PDE3B: variants seen among roughly 807,000 people sequenced by gnomAD.
PDE3B encodes phosphodiesterase 3B.
A neutral mutation model predicts 116.8 loss-of-function variants in PDE3B; 66 were observed. The observed-to-expected ratio is 0.56, with a 90% CI of 0.46 to 0.69. The LOEUF is 0.69. PDE3B is among the 30% of genes least tolerant of loss of function. The probability of loss-of-function intolerance (pLI) is 0.00; values close to 1 mark genes in which losing one functional copy is unlikely to be tolerated. For missense variants in PDE3B, 1,384 were observed against 1,368.1 expected, an observed-to-expected ratio of 1.01 and a Z score of -0.18; for synonymous variants, 595 against 533.6, an observed-to-expected ratio of 1.12 and a Z score of -1.59.
intron 1 of PDE3B, among the ~76,000 whole-genome samples, chr11:14,683,183 G>A (rs903009855): frequency 1.3e-5 from 2 of 151,952 alleles, no homozygotes; most frequent in South Asian, 4.2e-4. Flanking sequence ...CAGGTGATCC[G>A]CCTGCCTTGG....
chr11:14,682,773 G>A (rs1854749757), intron 1 of PDE3B, among the ~76,000 whole-genome samples: 1 of 151,416 alleles, frequency 6.6e-6, no homozygotes, highest in Non-Finnish European at 1.5e-5. Flanking sequence ...ACATAGGCCT[G>A]TAGTTTTTTG....
chr11:14,673,133 C>T (rs1854422945), intron 1 of PDE3B, among the ~76,000 whole-genome samples: 1 of 151,432 alleles, frequency 6.6e-6, no homozygotes. Flanking sequence ...ACATGGATGA[C>T]TTGCAAAGGA....
At chr11:14,765,536 A>T (rs1857475679) in intron 1 of PDE3B, among the ~76,000 whole-genome samples, 1 of 151,966 alleles carries the variant, frequency 6.6e-6, no homozygotes, top group Non-Finnish European at 1.5e-5. Flanking sequence ...AGATCAACTT[A>T]AAAATGTTTA....
At chr11:14,761,948 C>A (rs1393940185) in intron 1 of PDE3B, among the ~76,000 whole-genome samples, 2 of 152,040 alleles carry the variant, frequency 1.3e-5, no homozygotes, top group African/African-American at 4.8e-5. Context: ...AAAGTCTACT[C>A]TGATGCTTTT....
intron 1 of PDE3B, among the ~76,000 whole-genome samples, chr11:14,706,300 C>T (rs1355603239): frequency 6.6e-6 from 1 of 151,842 alleles, no homozygotes; most frequent in South Asian, 2.1e-4. Context: ...TAAAATTATA[C>T]AGTACCTGAA....
At chr11:14,775,053 C>T (rs186507765) in intron 2 of PDE3B, 1 of 152,290 alleles carries the variant, frequency 6.6e-6, no homozygotes, top group Admixed American at 6.5e-5. Context: ...GAGGCATACC[C>T]CAACTATCCT....
At chr11:14,664,022 C>T (rs1854034128) in intron 1 of PDE3B, among the ~76,000 whole-genome samples, 3 of 152,090 alleles carry the variant, frequency 2.0e-5, no homozygotes, top group Admixed American at 1.3e-4. Context: ...GGAAGTAAAG[C>T]TCTCCTCAGC....
At chr11:14,681,236 C>A (rs527886534) in intron 1 of PDE3B, among the ~76,000 whole-genome samples, 7 of 152,100 alleles carry the variant, frequency 4.6e-5, no homozygotes, top group Non-Finnish European at 8.8e-5. Context: ...CATTGTAAGT[C>A]GAGGAGCATA....
At chr11:14,754,430 G>A (rs1857132113) in intron 1 of PDE3B, among the ~76,000 whole-genome samples, 1 of 152,014 alleles carries the variant, frequency 6.6e-6, no homozygotes, top group Non-Finnish European at 1.5e-5. Flanking sequence ...TATCTCACTT[G>A]ATGTCTCAAT....
intron 7 of PDE3B, among the ~76,000 whole-genome samples, chr11:14,827,640 A>G (rs1859741303): frequency 6.6e-6 from 1 of 152,204 alleles, no homozygotes; most frequent in Non-Finnish European, 1.5e-5. Flanking sequence ...TGAGAATTAC[A>G]AAACACTGCT....
rs68083046 is a variant in PDE3B, at chr11:14,713,695, T to TACAC, written c.979-58213_979-58210dup. ...CTACTTCCTTATAATAAAAAATCTT[T>TACAC]ACACACACACACACACACACACACA... On this transcript the variant is annotated intron_variant, in intron 1 of 15. Transcript: ENST00000282096. Among the ~76,000 whole-genome samples the TACAC allele has an allele frequency of 2.9e-3, 441 of 149,884 alleles. 2 individuals carry two copies. Among genetic ancestry groups the TACAC allele is most frequent in the African/African-American group, 7.5e-3 (304 of 40,778 alleles).
chr11:14,788,625 T>C (rs1858286198), intron 3 of PDE3B, among the ~76,000 whole-genome samples: 1 of 151,960 alleles, frequency 6.6e-6, no homozygotes, highest in African/African-American at 2.4e-5. Flanking sequence ...ATGCTAAAGG[T>C]GTTCTGTATT....
intron 12 of PDE3B, among the ~76,000 whole-genome samples, chr11:14,850,803 CT>C (rs1349460836): frequency 6.6e-6 from 1 of 151,904 alleles, no homozygotes; most frequent in Non-Finnish European, 1.5e-5. Flanking sequence ...AACATTAGGA[CT>C]TGGAACTAAA....
At chr11:14,884,911 T>C in the PDE3B span, among the ~76,000 whole-genome samples, 3 of 151,838 alleles carry the variant, frequency 2.0e-5, no homozygotes, top group African/African-American at 7.3e-5. Flanking sequence ...TTTGGTCTAA[T>C]TGTTTGTTTT....
chr11:14,877,984 C>T, the PDE3B span: 1 of 836,436 alleles, frequency 1.2e-6, no homozygotes, highest in Non-Finnish European at 1.9e-6. Flanking sequence ...TGCTCTAGTA[C>T]TATTTTAAGA....
chr11:14,890,034 CAGG>C, the PDE3B span, among the ~76,000 whole-genome samples: 1 of 152,024 alleles, frequency 6.6e-6, no homozygotes, highest in Non-Finnish European at 1.5e-5. Flanking sequence ...GAGGCTGAGG[CAGG>C]AGAATGGCGT....
At chr11:14,716,299 C>T (rs1371752484) in intron 1 of PDE3B, among the ~76,000 whole-genome samples, 2 of 152,190 alleles carry the variant, frequency 1.3e-5, no homozygotes, top group African/African-American at 4.8e-5. Flanking sequence ...ATTGCTAGCA[C>T]AGCAGTCTGA....
the PDE3B span, chr11:14,880,263 TG>T: frequency 1.2e-6 from 2 of 1,613,114 alleles, no homozygotes; most frequent in Admixed American, 1.7e-5. Flanking sequence ...AAGTAGATGA[TG>T]GGTCATTTTT....
At chr11:14,891,052 C>T in the PDE3B span, 2 of 985,308 alleles carry the variant, frequency 2.0e-6, no homozygotes, top group Admixed American at 6.2e-5. Context: ...AGCGTCAGGC[C>T]TGTAGTTGCA....
Sources: allele counts gnomAD v4.1 joint callset (sites outside exome capture counted in the v4.1 genomes callset), GRCh38; gene constraint gnomAD v4.1.1; transcripts MANE v1.5; gene names NCBI Gene and HGNC (gene_info 2026-07-23, HGNC 2026-07-21).